MAML2: variants seen among roughly 807,000 people sequenced by gnomAD.
The protein encoded by MAML2 is mastermind-like protein 2.
In MAML2, 22 loss-of-function variants were observed where a neutral mutation model predicts 96.1. That is an observed-to-expected ratio of 0.23 (90% CI 0.16 to 0.33). The LOEUF is 0.33. Among genes scored for constraint, MAML2 ranks in the 10% least tolerant of loss-of-function variants. The pLI is 1.00. For synonymous variants in MAML2, 561 were observed against 521.3 expected, an observed-to-expected ratio of 1.08 and a Z score of -1.04; for missense variants, 1,367 against 1,392.4, an observed-to-expected ratio of 0.98 and a Z score of 0.29.
At chr11:96,200,192 C>A (rs1355477880) in intron 1 of MAML2, among the ~76,000 whole-genome samples, 3 of 152,200 alleles carry the variant, frequency 2.0e-5, no homozygotes, top group Non-Finnish European at 2.9e-5. Context: ...GTAAACATGA[C>A]CCTAATTAAT....
At chr11:96,071,192 T>A (rs116326792) in intron 2 of MAML2, among the ~76,000 whole-genome samples, 114 of 152,332 alleles carry the variant, frequency 7.5e-4, no homozygotes, top group African/African-American at 2.6e-3. Context: ...GGACTGGAGC[T>A]TCCCGAGGAA....
In MAML2 at chr11:96,044,803, C is replaced by T. The variant is rs182603234; in HGVS notation, c.2139+47089G>A. ...CCTATTTGGAAATGAAAGTTGTTGACGAAAAACTAAGTCATTCAACTCCTT... is the reference window on the plus strand; with the variant it reads ...CCTATTTGGAAATGAAAGTTGTTGATGAAAAACTAAGTCATTCAACTCCTT... On this transcript the variant is annotated intron_variant, in intron 2 of 4. Coordinates refer to ENST00000524717, the MANE Select transcript of MAML2 (RefSeq NM_032427.4). 4.8e-3 allele frequency among the ~76,000 whole-genome samples: 728 copies of T among 152,262 alleles called. 7 individuals are homozygous for T. Among genetic ancestry groups the T allele is most frequent in the African/African-American group, 0.017 (691 of 41,562 alleles).
At chr11:96,066,030 C>G (rs1162234425) in intron 2 of MAML2, among the ~76,000 whole-genome samples, 1 of 152,196 alleles carries the variant, frequency 6.6e-6, no homozygotes, top group Non-Finnish European at 1.5e-5. Flanking sequence ...TGAAAACTCG[C>G]TCCAAGAAAA....
intron 1 of MAML2, among the ~76,000 whole-genome samples, chr11:96,118,565 G>A (rs1860283428): frequency 1.3e-5 from 2 of 152,106 alleles, no homozygotes; most frequent in African/African-American, 2.4e-5. Context: ...TTATAGCAGT[G>A]TGAAAATGGA....
intron 1 of MAML2, among the ~76,000 whole-genome samples, chr11:96,158,414 G>T (rs1328152774): frequency 6.6e-6 from 1 of 152,280 alleles, no homozygotes; most frequent in African/African-American, 2.4e-5. Context: ...TCCCTGTGTG[G>T]CACAGGGGAA....
chr11:96,072,031 G>T (rs754734024), intron 2 of MAML2, among the ~76,000 whole-genome samples: 2 of 152,152 alleles, frequency 1.3e-5, no homozygotes, highest in Non-Finnish European at 2.9e-5. Context: ...TTAAAGTTAG[G>T]TGGGGCGTAA....
chr11:96,033,887 A>G (rs534684881), intron 2 of MAML2, among the ~76,000 whole-genome samples: 26 of 152,306 alleles, frequency 1.7e-4, no homozygotes, highest in Admixed American at 9.8e-4. Flanking sequence ...CAGGTTTCCA[A>G]TTGTGTTTCT....
chr11:96,295,621 T>C (rs1326772313), intron 1 of MAML2, among the ~76,000 whole-genome samples: 2 of 151,862 alleles, frequency 1.3e-5, no homozygotes, highest in African/African-American at 4.8e-5. Flanking sequence ...TTTGATAAAA[T>C]CCCAACTGAG....
In MAML2 at chr11:95,979,520, C is replaced by G; in HGVS notation, c.2899G>C (p.Ala967Pro). ...TGTTTGCTTGTTCCTTCTTGAGAGG[C>G]CCAGTTTGGTGCAGTTGTGTTGGAT... ...ITSNTTAPNW[A>P]SQEGTSKQQE... The change falls in exon 5 of 5, where the codon GCC (alanine) becomes CCC (proline). Residue 967 changes from alanine (A) to proline (P), a missense_variant. By Grantham distance (27) the Ala-to-Pro change is conservative. Coordinates refer to ENST00000524717, the MANE Select transcript of MAML2 (RefSeq NM_032427.4). The G allele has an allele frequency of 6.2e-7, 1 of 1,613,590 alleles. No homozygotes were observed. The highest frequency in any genetic ancestry group is 8.5e-7 in the Non-Finnish European group (1 of 1,179,768).
At chr11:96,150,126 A>G (rs1860896467) in intron 1 of MAML2, among the ~76,000 whole-genome samples, 1 of 152,262 alleles carries the variant, frequency 6.6e-6, no homozygotes, top group African/African-American at 2.4e-5. Context: ...TTTCGTTAAC[A>G]ATTTTTGACA....
chr11:96,181,784 TACTGAGTATGC>T (rs1861490714), intron 1 of MAML2, among the ~76,000 whole-genome samples: 1 of 31,844 alleles, frequency 3.1e-5, no homozygotes, highest in African/African-American at 2.1e-4. Context: ...ATACTGAAGA[TACTGAGTATGC>T]TTCACTAAAG....
At chr11:96,199,472 C>T (rs1426178845) in intron 1 of MAML2, among the ~76,000 whole-genome samples, 1 of 151,890 alleles carries the variant, frequency 6.6e-6, no homozygotes, top group Non-Finnish European at 1.5e-5. Context: ...CATTTTCTAT[C>T]ACTCACAGCC....
intron 1 of MAML2, among the ~76,000 whole-genome samples, chr11:96,094,986 C>G (rs770836007): frequency 2.0e-5 from 3 of 152,064 alleles, no homozygotes; most frequent in African/African-American, 4.8e-5. Flanking sequence ...CTTTATTTCC[C>G]TTAATCTGCA....
intron 1 of MAML2, among the ~76,000 whole-genome samples, chr11:96,309,794 G>T (rs1481558156): frequency 6.6e-6 from 1 of 151,664 alleles, no homozygotes; most frequent in Non-Finnish European, 1.5e-5. Flanking sequence ...ACCTCTCCAG[G>T]CTCAGGTATT....
intron 1 of MAML2, among the ~76,000 whole-genome samples, chr11:96,171,895 G>A (rs1861303427): frequency 6.6e-6 from 1 of 152,218 alleles, no homozygotes; most frequent in Non-Finnish European, 1.5e-5. Flanking sequence ...AAGAAGCACT[G>A]CTGGTGTCAC....
chr11:96,020,258 C>A (rs1205288221), intron 2 of MAML2, among the ~76,000 whole-genome samples: 1 of 152,184 alleles, frequency 6.6e-6, no homozygotes, highest in African/African-American at 2.4e-5. Context: ...GCTTTTTCCC[C>A]TCTCCATCAG....
At chr11:96,229,997 G>A (rs532634795) in intron 1 of MAML2, among the ~76,000 whole-genome samples, 1 of 152,248 alleles carries the variant, frequency 6.6e-6, no homozygotes, top group Admixed American at 6.5e-5. Flanking sequence ...CTTAACACCA[G>A]TTGTTAAGTT....
intron 2 of MAML2, among the ~76,000 whole-genome samples, chr11:96,062,427 T>C (rs1009380656): frequency 2.1e-4 from 32 of 152,296 alleles, no homozygotes; most frequent in African/African-American, 7.2e-4. Flanking sequence ...TAAGCTTACA[T>C]AGGCATCCAG....
intron 1 of MAML2, among the ~76,000 whole-genome samples, chr11:96,169,680 G>A (rs1861251604): frequency 1.7e-5 from 2 of 120,120 alleles, no homozygotes; most frequent in Admixed American, 1.6e-4. Context: ...TTTTGAGATG[G>A]AGTCTAGCTC....
Sources: gnomAD v4.1 joint callset for allele counts (sites outside exome capture counted in the v4.1 genomes callset) on GRCh38, gnomAD v4.1.1 for gene constraint, MANE v1.5 for transcripts, NCBI Gene and HGNC (gene_info 2026-07-23, HGNC 2026-07-21) for gene names.